UGT1A6: variants seen among roughly 807,000 people sequenced by gnomAD.
The protein encoded by UGT1A6 is UDP glucuronosyltransferase family 1 member A6, also known as UDP-glucuronosyltransferase 1A6.
UGT1A6 carries 32 observed loss-of-function variants against 44.4 expected under a neutral mutation model. That is an observed-to-expected ratio of 0.72 (90% CI 0.54 to 0.97). The LOEUF (loss-of-function observed/expected upper bound fraction) is 0.97, where lower values mean the gene tolerates loss of function less well. Ranked by LOEUF, UGT1A6 falls within the 50% of genes least tolerant of loss-of-function variation. The pLI is 0.00. For synonymous variants in UGT1A6, 238 were observed against 248.5 expected, an observed-to-expected ratio of 0.96 and a Z score of 0.40; for missense variants, 685 against 661.9, an observed-to-expected ratio of 1.03 and a Z score of -0.38.
chr2:233,726,986 T>C (rs749944838), intron 1 of UGT1A6, among the ~76,000 whole-genome samples: 1 of 152,226 alleles, frequency 6.6e-6, no homozygotes, highest in Non-Finnish European at 1.5e-5. Flanking sequence ...TTTGATGAGG[T>C]TCTTTCTAGC....
chr2:233,747,346 G>A (rs1006096980), intron 1 of UGT1A6: 37 of 1,603,044 alleles, frequency 2.3e-5, no homozygotes, highest in African/African-American at 1.5e-4. Context: ...GCTCGCATGC[G>A]GGAGGCCGTG....
rs72551340 is a variant in UGT1A6, at chr2:233,760,509, C to A, written c.862-6525C>A. 17 of 1,614,154 alleles carry A rather than the reference C, an allele frequency of 1.1e-5. No homozygotes were observed. Among genetic ancestry groups the A allele is most frequent in the Non-Finnish European group, 4.2e-6 (5 of 1,180,060 alleles). ...TGTACATCAGAGACGGAGCATTTTA[C>A]ACCTTGAAGACGTACCCTGTGCCAT... is the stretch of plus-strand genomic sequence containing the variant. On this transcript the variant is annotated intron_variant, in intron 1 of 4. Transcript: ENST00000305139.
chr2:233,768,466 T>G (rs1161223448), intron 4 of UGT1A6, 27 bp downstream of exon 4: 2 of 1,605,760 alleles, frequency 1.2e-6, no homozygotes, highest in South Asian at 2.2e-5. Flanking sequence ...AGAAGAATAC[T>G]TTGGTCATGG....
intron 1 of UGT1A6, among the ~76,000 whole-genome samples, chr2:233,702,710 C>T (rs1001273566): frequency 2.0e-5 from 3 of 152,232 alleles, no homozygotes; most frequent in African/African-American, 7.2e-5. Flanking sequence ...TTTTCTGTGT[C>T]TATTGAAATG....
At chr2:233,714,961 C>T (rs2076425235) in intron 1 of UGT1A6, among the ~76,000 whole-genome samples, 1 of 152,180 alleles carries the variant, frequency 6.6e-6, no homozygotes, top group South Asian at 2.1e-4. Context: ...ATTGCAACCT[C>T]CACCTCCCAG....
At chr2:233,693,920 C>G in intron 1 of UGT1A6, 55 bp downstream of exon 1, 1 of 1,611,066 alleles carries the variant, frequency 6.2e-7, no homozygotes, top group Non-Finnish European at 8.5e-7. Context: ...TCTGTCCTCC[C>G]TCACTCATTT....
chr2:233,757,137 G>T (rs1343266624), intron 1 of UGT1A6, among the ~76,000 whole-genome samples: 1 of 151,428 alleles, frequency 6.6e-6, no homozygotes, highest in Non-Finnish European at 1.5e-5. Flanking sequence ...AATGAGCTTG[G>T]ACAGGTGGGC....
At chr2:233,718,794 A>T (rs2076686034) in intron 1 of UGT1A6, 2 of 1,613,190 alleles carry the variant, frequency 1.2e-6, no homozygotes, top group Non-Finnish European at 1.7e-6. Flanking sequence ...TGGGGTGGAC[A>T]GTCAGCTGTC....
intron 1 of UGT1A6, among the ~76,000 whole-genome samples, chr2:233,703,307 C>T (rs560128555): frequency 1.4e-5 from 2 of 148,024 alleles, no homozygotes; most frequent in East Asian, 4.1e-4. Flanking sequence ...TCTTTCATTT[C>T]ATATTTTTAG....
At chr2:233,759,615 C>CACCT (rs1177524804) in intron 1 of UGT1A6, among the ~76,000 whole-genome samples, 1 of 149,432 alleles carries the variant, frequency 6.7e-6, no homozygotes, top group Non-Finnish European at 1.5e-5. Context: ...CCCACCCACC[C>CACCT]ACCTGTTCAT....
rs541555722 is a variant in UGT1A6 at position 233,725,921 on chromosome 2, T to C, written c.861+32056T>C. On this transcript the variant is annotated intron_variant, in intron 1 of 4. Coordinates refer to ENST00000305139, the MANE Select transcript of UGT1A6 (RefSeq NM_001072.4). ...TGGCTCACACCTGCAATTTCAGCCC[T>C]TTGGGAGACTGATGCAGGAGGATTG... Among the ~76,000 whole-genome samples the C allele has an allele frequency of 3.0e-4, 46 of 152,308 alleles. No individual in the cohort carries two copies. The South Asian group carries it at 8.7e-3, about 29-fold the overall frequency.
Position 233,759,383 on chromosome 2 carries a change from T to C in UGT1A6, c.862-7651T>C, listed in dbSNP as rs370369012. Among the ~76,000 whole-genome samples, 14 of 152,308 alleles carry C rather than the reference T, an allele frequency of 9.2e-5. No homozygotes were observed. The East Asian group carries it at 2.7e-3, about 29-fold the overall frequency. ...TATAAAAAGGTACAGGTTTTCAGGA[T>C]ACTCAGAGTAACCGTGTGACCTGTA... On this transcript the variant is annotated intron_variant, in intron 1 of 4. Coordinates refer to ENST00000305139, the MANE Select transcript of UGT1A6 (RefSeq NM_001072.4).
chr2:233,761,165 T>A (rs1323342436), intron 1 of UGT1A6: 1 of 1,614,204 alleles, frequency 6.2e-7, no homozygotes, highest in Non-Finnish European at 8.5e-7. Context: ...TGTATTGGAG[T>A]GGGACTTTTA....
chr2:233,767,305 G>GT (rs1444114295), intron 2 of UGT1A6, 140 bp downstream of exon 2: 37 of 1,518,952 alleles, frequency 2.4e-5, no homozygotes, highest in Admixed American at 1.8e-4. Flanking sequence ...TAATCCAAAG[G>GT]TTTTTTTTGT....
chr2:233,713,732 T>C, intron 1 of UGT1A6: 1 of 1,613,896 alleles, frequency 6.2e-7, no homozygotes, highest in South Asian at 1.1e-5. Flanking sequence ...CAGTGGTGGA[T>C]CTTGTCAGCC....
In UGT1A6 at chr2:233,729,401, A is replaced by G. The variant is rs1464724125; in HGVS notation, c.861+35536A>G. ...TGGACCCAGGATGAATTTGATCGCCATGTGCTGGGCCACACTCAACTGTAC... is the reference window on the plus strand; with the variant it reads ...TGGACCCAGGATGAATTTGATCGCCGTGTGCTGGGCCACACTCAACTGTAC... On this transcript the variant is annotated intron_variant, in intron 1 of 4. Coordinates refer to ENST00000305139, the MANE Select transcript of UGT1A6 (RefSeq NM_001072.4). 1.2e-6 allele frequency: 2 copies of G among 1,613,850 alleles called. No homozygotes were observed. The highest frequency in any genetic ancestry group is 3.3e-5 in the Admixed American group (2 of 60,024).
intron 1 of UGT1A6, among the ~76,000 whole-genome samples, chr2:233,732,527 T>G (rs920037607): frequency 6.6e-6 from 1 of 152,244 alleles, no homozygotes; most frequent in African/African-American, 2.4e-5. Context: ...TTTCTACATA[T>G]GGCCAGTTTT....
intron 1 of UGT1A6, among the ~76,000 whole-genome samples, chr2:233,732,232 C>T (rs2078252352): frequency 6.6e-6 from 1 of 152,176 alleles, no homozygotes; most frequent in South Asian, 2.1e-4. Flanking sequence ...TTCTCCCATT[C>T]TGTAGGTTGC....
chr2:233,767,352 C>A (rs1699374337), intron 2 of UGT1A6, among the ~76,000 whole-genome samples, 187 bp downstream of exon 2: 1 of 152,112 alleles, frequency 6.6e-6, no homozygotes, highest in African/African-American at 2.4e-5. Context: ...ATTTGACTCT[C>A]AAATACTCTA....
Sources: allele counts gnomAD v4.1 joint callset (sites outside exome capture counted in the v4.1 genomes callset), GRCh38; gene constraint gnomAD v4.1.1; transcripts MANE v1.5; gene names NCBI Gene and HGNC (gene_info 2026-07-23, HGNC 2026-07-21).